Variants in TYR observed in about 807,000 individuals in gnomAD.
TYR encodes the protein tyrosinase, also known as LB24-AB.
In TYR, 58 loss-of-function variants were observed where a neutral mutation model predicts 51.5. That is an observed-to-expected ratio of 1.13 (90% confidence interval 0.91 to 1.40). The LOEUF (loss-of-function observed/expected upper bound fraction) is 1.40, where lower values mean the gene tolerates loss of function less well. Among genes scored for constraint, TYR ranks in the 40% most tolerant of loss-of-function variants. The pLI is 0.00. For missense variants in TYR, 732 were observed against 647.4 expected, an observed-to-expected ratio of 1.13 and a Z score of -1.42; for synonymous variants, 263 against 235.2, an observed-to-expected ratio of 1.12 and a Z score of -1.08.
At position 89,206,026 on chromosome 11, in the gene TYR, C is replaced by A. The variant is rs573870335; in HGVS notation, c.1036+14608C>A. ...ACCAATAAAGTGATACAAAGAAATACATTCAAAAAACTTGATAAATAAAAA... is the reference window on the plus strand; with the variant it reads ...ACCAATAAAGTGATACAAAGAAATAAATTCAAAAAACTTGATAAATAAAAA... On this transcript the variant is annotated intron_variant, in intron 2 of 4. Coordinates refer to ENST00000263321, the MANE Select transcript of TYR (RefSeq NM_000372.5). Among the ~76,000 whole-genome samples, 3 of 151,912 alleles carry A rather than the reference C, an allele frequency of 2.0e-5. No individual in the cohort carries two copies. The South Asian group carries it at 6.2e-4, about 32-fold the overall frequency.
rs1034490152 is a variant in TYR at position 89,188,839 on chromosome 11, G to A, written c.820-2363G>A. On this transcript the variant is annotated intron_variant, in intron 1 of 4. Transcript: ENST00000263321. Reference sequence around the variant, plus strand: ...AAGAGTGATTGGTGAGTTTTGGGAAGGGCAAAGAGGCCAGTGAAGTTATAG... The same window carrying A: ...AAGAGTGATTGGTGAGTTTTGGGAAAGGCAAAGAGGCCAGTGAAGTTATAG... Among the ~76,000 whole-genome samples the A allele has an allele frequency of 2.0e-5, 3 of 151,970 alleles. No homozygotes were observed. In the East Asian group the frequency reaches 5.8e-4, roughly 29 times the overall value.
intron 1 of TYR, among the ~76,000 whole-genome samples, chr11:89,189,429 C>T (rs532362978): frequency 1.3e-5 from 2 of 149,728 alleles, no homozygotes; most frequent in African/African-American, 5.0e-5. Context: ...CAATCAACCA[C>T]GAGTATTGTA....
At chr11:89,233,376 G>A (rs1944074386) in intron 3 of TYR, among the ~76,000 whole-genome samples, 2 of 139,588 alleles carry the variant, frequency 1.4e-5, no homozygotes, top group Admixed American at 1.4e-4. Context: ...TCCCCTCAAA[G>A]TCATCTATTA....
rs1298565297 is a variant in TYR, at chr11:89,295,492, T to C, written c.*126T>C. 8.0e-7 allele frequency: 1 copy of C among 1,248,576 alleles called. No individual in the cohort carries two copies. The highest frequency in any genetic ancestry group is 1.1e-6 in the Non-Finnish European group (1 of 885,282). 77.3% of individuals were successfully genotyped at this position (1,248,576 alleles called of 1,614,324 possible). ...GACCATTTGCAAAATTGTAACCTAA[T>C]ACAAAGTGTAGCCTTCTTCCAACTC... On this transcript the variant is annotated 3_prime_UTR_variant, in exon 5 of 5. Transcript: ENST00000263321.
intron 4 of TYR, among the ~76,000 whole-genome samples, chr11:89,289,497 T>C (rs1409215503): frequency 1.3e-5 from 2 of 151,976 alleles, no homozygotes; most frequent in African/African-American, 2.4e-5. Context: ...AAGTCTTTTC[T>C]CCATGATGCC....
intron 3 of TYR, among the ~76,000 whole-genome samples, chr11:89,240,999 A>C (rs927629461): frequency 6.6e-6 from 1 of 152,226 alleles, no homozygotes; most frequent in Admixed American, 6.5e-5. Context: ...TGAAGACTCC[A>C]AAAGAAAGAA....
intron 3 of TYR, among the ~76,000 whole-genome samples, chr11:89,278,342 C>T (rs1944680379): frequency 6.6e-6 from 1 of 151,642 alleles, no homozygotes; most frequent in Non-Finnish European, 1.5e-5. Context: ...TGTCTATCTC[C>T]ACCACTAGAC....
intron 2 of TYR, among the ~76,000 whole-genome samples, chr11:89,225,543 T>C (rs1468563807): frequency 6.6e-6 from 1 of 151,830 alleles, no homozygotes; most frequent in African/African-American, 2.4e-5. Flanking sequence ...TATAATTGTG[T>C]AGAAAAATAG....
intron 3 of TYR, among the ~76,000 whole-genome samples, chr11:89,267,919 T>C (rs542306750): frequency 3.3e-5 from 5 of 152,108 alleles, no homozygotes; most frequent in South Asian, 4.1e-4. Flanking sequence ...ATTTACTAAC[T>C]AAATAGAGGA....
chr11:89,286,158 C>G (rs1944783873), intron 4 of TYR, among the ~76,000 whole-genome samples: 1 of 151,704 alleles, frequency 6.6e-6, no homozygotes, highest in Non-Finnish European at 1.5e-5. Flanking sequence ...AAAGCCATGA[C>G]TTTTGAAGGG....
intron 3 of TYR, among the ~76,000 whole-genome samples, chr11:89,267,052 C>T (rs1228607345): frequency 6.6e-6 from 1 of 151,876 alleles, no homozygotes; most frequent in Non-Finnish European, 1.5e-5. Flanking sequence ...AACTTTTCCA[C>T]TGTAATTCTC....
chr11:89,242,904 G>A (rs1250119285), intron 3 of TYR, among the ~76,000 whole-genome samples: 1 of 152,164 alleles, frequency 6.6e-6, no homozygotes, highest in Non-Finnish European at 1.5e-5. Context: ...AAGAGTCAGA[G>A]AGACCTCGAC....
rs1275563776 is a variant in TYR at position 89,227,835 on chromosome 11, C to T, written c.1049C>T (p.Pro350Leu). Residue 350 changes from proline (P) to leucine (L), a missense_variant, in exon 3 of 5, where the codon CCA becomes CTA. Coordinates refer to ENST00000263321, the MANE Select transcript of TYR (RefSeq NM_000372.5). Reference protein sequence around the residue: ...FRNTLEGFASPLTGIADASQS... With the variant: ...FRNTLEGFASLLTGIADASQS... ...TTTTAATGAACAGGATTTGCTAGTC[C>T]ACTTACTGGGATAGCGGATGCCTCT... 6.2e-7 allele frequency: 1 copy of T among 1,612,510 alleles called. No individual in the cohort carries two copies. The highest frequency in any genetic ancestry group is 2.2e-5 in the East Asian group (1 of 44,822).
chr11:89,203,395 C>T (rs950956770), intron 2 of TYR, among the ~76,000 whole-genome samples: 1 of 152,164 alleles, frequency 6.6e-6, no homozygotes, highest in Non-Finnish European at 1.5e-5. Context: ...CCAACACTAA[C>T]CACTCTGCTC....
chr11:89,202,624 C>CACACACACACAA (rs1470842897), intron 2 of TYR, among the ~76,000 whole-genome samples: 2 of 149,818 alleles, frequency 1.3e-5, no homozygotes, highest in Admixed American at 1.3e-4. Context: ...TTTCATAATA[C>CACACACACACAA]ACACACACAC....
chr11:89,284,655 T>C (rs1284225679), intron 3 of TYR, 118 bp from the exon 4 acceptor site: 21 of 898,510 alleles, frequency 2.3e-5, no homozygotes, highest in African/African-American at 5.0e-5. Context: ...AAAGAATATA[T>C]TCAACATCTT....
At chr11:89,204,094 A>G (rs906697134) in intron 2 of TYR, among the ~76,000 whole-genome samples, 8 of 152,224 alleles carry the variant, frequency 5.3e-5, no homozygotes, top group African/African-American at 1.9e-4. Context: ...TATCCCCACC[A>G]GGCAGTAAAA....
At chr11:89,229,307 G>A (rs1369651473) in intron 3 of TYR, among the ~76,000 whole-genome samples, 1 of 152,040 alleles carries the variant, frequency 6.6e-6, no homozygotes, top group Admixed American at 6.6e-5. Context: ...CAAAGTGTTG[G>A]TGTCAATACC....
At chr11:89,270,335 C>T (rs552152469) in intron 3 of TYR, among the ~76,000 whole-genome samples, 4 of 151,896 alleles carry the variant, frequency 2.6e-5, no homozygotes, top group East Asian at 2.0e-4. Context: ...GCACCTTGAC[C>T]GACACCACTC....
Sources: allele counts gnomAD v4.1 joint callset (sites outside exome capture counted in the v4.1 genomes callset), GRCh38; gene constraint gnomAD v4.1.1; transcripts MANE v1.5; gene names NCBI Gene and HGNC (gene_info 2026-07-23, HGNC 2026-07-21).